Variants in SMCHD1 observed in about 807,000 individuals in gnomAD.
The protein encoded by SMCHD1 is structural maintenance of chromosomes flexible hinge domain containing 1.
A neutral mutation model predicts 254.7 loss-of-function variants in SMCHD1; 78 were observed. That is an observed-to-expected ratio of 0.31 (90% CI 0.26 to 0.37). The LOEUF (loss-of-function observed/expected upper bound fraction) is 0.37, where lower values mean the gene tolerates loss of function less well. Ranked by LOEUF, SMCHD1 falls within the 10% of genes least tolerant of loss-of-function variation. The pLI is 1.00. For synonymous variants in SMCHD1, 766 were observed against 794.9 expected (o/e 0.96, Z 0.61); for missense variants, 1,840 against 2,408.1 (o/e 0.76, Z 4.94).
intron 7 of SMCHD1, among the ~76,000 whole-genome samples, chr18:2,690,142 A>T (rs1244046291): frequency 6.6e-6 from 1 of 152,216 alleles, no homozygotes; most frequent in East Asian, 1.9e-4. Context: ...AGTCCTAGAG[A>T]AGCCTACTGA....
At chr18:2,669,465 G>A (rs1024148948) in intron 3 of SMCHD1, among the ~76,000 whole-genome samples, 1 of 152,144 alleles carries the variant, frequency 6.6e-6, no homozygotes, top group African/African-American at 2.4e-5. Flanking sequence ...TCTCAAAGCC[G>A]TGGGATTATA....
At position 2,803,886 on chromosome 18, in the gene SMCHD1, A is replaced by G. The variant is rs2076406108; in HGVS notation, c.*1334A>G. ...GGGGTTTTTAAATTATTATTTTGGA[A>G]TATTTGCATTATATTTACCAATTTA... On this transcript the variant is annotated 3_prime_UTR_variant, in exon 48 of 48. Transcript: ENST00000320876. 6.6e-6 allele frequency: 1 copy of G among 152,106 alleles called. No homozygotes were observed. The highest frequency in any genetic ancestry group is 1.5e-5 in the Non-Finnish European group (1 of 68,016). 9.4% of individuals were successfully genotyped at this position (152,106 alleles called of 1,614,324 possible).
chr18:2,781,663 AAAG>A (rs1242492666), intron 44 of SMCHD1, among the ~76,000 whole-genome samples: 1 of 152,222 alleles, frequency 6.6e-6, no homozygotes, highest in Non-Finnish European at 1.5e-5. Context: ...GAAAATAAGA[AAAG>A]AATAAGTCAA....
intron 45 of SMCHD1, chr18:2,785,035 T>G (rs2076216898): frequency 6.2e-6 from 2 of 323,448 alleles, no homozygotes; most frequent in African/African-American, 2.2e-5. Context: ...ATCTTGAAAT[T>G]TGTAACTATC....
intron 25 of SMCHD1, among the ~76,000 whole-genome samples, chr18:2,736,706 C>T (rs2075256891): frequency 1.3e-5 from 2 of 152,140 alleles, no homozygotes; most frequent in Admixed American, 6.6e-5. Flanking sequence ...GAGATACCAT[C>T]TCACACCAGT....
chr18:2,675,329 A>G (rs771274196), intron 5 of SMCHD1, among the ~76,000 whole-genome samples: 8 of 149,020 alleles, frequency 5.4e-5, no homozygotes, highest in African/African-American at 2.5e-5. Flanking sequence ...CAGTTGTGCA[A>G]TCTCGGCTCA....
intron 37 of SMCHD1, among the ~76,000 whole-genome samples, chr18:2,766,003 T>C (rs960117731): frequency 1.0e-4 from 14 of 139,952 alleles, no homozygotes; most frequent in Non-Finnish European, 1.8e-4. Flanking sequence ...CCAGTTTTCT[T>C]TTTTTTTGGA....
chr18:2,787,606 T>C (rs2076260238), intron 45 of SMCHD1, among the ~76,000 whole-genome samples: 1 of 152,194 alleles, frequency 6.6e-6, no homozygotes, highest in Non-Finnish European at 1.5e-5. Context: ...CTAGACTCTA[T>C]ACCTAAGCAT....
chr18:2,657,450 C>G (rs1568052630), intron 1 of SMCHD1, among the ~76,000 whole-genome samples: 1 of 152,184 alleles, frequency 6.6e-6, no homozygotes, highest in South Asian at 2.1e-4. Flanking sequence ...TTGTTGAATG[C>G]TTTCTATTCA....
intron 24 of SMCHD1, among the ~76,000 whole-genome samples, chr18:2,730,111 G>A (rs72864644): frequency 0.19 from 29,564 of 152,114 alleles, 3,119 homozygotes; most frequent in South Asian, 0.27. Flanking sequence ...ATTTTTGTAT[G>A]TAATTTTCTA....
intron 3 of SMCHD1, among the ~76,000 whole-genome samples, chr18:2,671,928 C>T (rs2073619019): frequency 6.6e-6 from 1 of 152,056 alleles, no homozygotes; most frequent in Admixed American, 6.6e-5. Flanking sequence ...TTTCAGTAAA[C>T]TGATCCAAGC....
intron 17 of SMCHD1, among the ~76,000 whole-genome samples, chr18:2,714,684 AT>A (rs1402929440): frequency 2.6e-5 from 4 of 152,000 alleles, no homozygotes; most frequent in Admixed American, 1.3e-4. Context: ...GATGGCTAGT[AT>A]TGACCATTTG....
intron 45 of SMCHD1, among the ~76,000 whole-genome samples, chr18:2,790,285 TA>T (rs1324460981): frequency 1.3e-5 from 2 of 152,186 alleles, no homozygotes; most frequent in Non-Finnish European, 2.9e-5. Flanking sequence ...CAAATTCAAT[TA>T]CCCGAAGTCA....
chr18:2,727,716 C>T (rs1187937615), intron 22 of SMCHD1, among the ~76,000 whole-genome samples: 5 of 151,862 alleles, frequency 3.3e-5, no homozygotes, highest in Non-Finnish European at 7.4e-5. Context: ...ATAATAGTAA[C>T]GTCTTCATTA....
In SMCHD1 at chr18:2,803,692, AT is replaced by A. The variant is rs2076402967; in HGVS notation, c.*1141del. ...TAAAAAACGATGATGATGTTAACCT[AT>A]CTATCTTTATAATTGGAAATTATTT... On this transcript the variant is annotated 3_prime_UTR_variant, in exon 48 of 48. Coordinates refer to ENST00000320876, the MANE Select transcript of SMCHD1 (RefSeq NM_015295.3). 2.6e-3 allele frequency: 2 copies of A among 782 alleles called. No homozygotes were observed. Among genetic ancestry groups the A allele is most frequent in the Admixed American group, 0.04 (2 of 50 alleles). 0.0% of individuals were successfully genotyped at this position (782 alleles called of 1,614,324 possible).
At chr18:2,737,189 A>T (rs1183939461) in intron 25 of SMCHD1, among the ~76,000 whole-genome samples, 1 of 152,180 alleles carries the variant, frequency 6.6e-6, no homozygotes, top group Non-Finnish European at 1.5e-5. Context: ...ACATGGACAT[A>T]AAAATATAGG....
intron 44 of SMCHD1, chr18:2,779,042 A>G (rs2076112719): frequency 6.6e-6 from 1 of 152,228 alleles, no homozygotes; most frequent in Non-Finnish European, 1.5e-5. Context: ...TTACTAGTCT[A>G]CTTGACTGGT....
chr18:2,770,574 A>G (rs1281630266), intron 39 of SMCHD1, among the ~76,000 whole-genome samples: 1 of 151,668 alleles, frequency 6.6e-6, no homozygotes, highest in South Asian at 2.1e-4. Context: ...ATTATTCTTG[A>G]GTCAATTCAC....
intron 7 of SMCHD1, among the ~76,000 whole-genome samples, chr18:2,693,926 C>T (rs979202164): frequency 2.0e-5 from 3 of 152,104 alleles, no homozygotes; most frequent in East Asian, 1.9e-4. Context: ...CTACCACGCC[C>T]GGCCTGCAAT....
Sources: allele counts gnomAD v4.1 joint callset (sites outside exome capture counted in the v4.1 genomes callset), GRCh38; gene constraint gnomAD v4.1.1; transcripts MANE v1.5; gene names NCBI Gene and HGNC (gene_info 2026-07-23, HGNC 2026-07-21).